Variants in CTPS1 observed in about 807,000 individuals in gnomAD.
The protein encoded by CTPS1 is CTP synthetase 1.
A neutral mutation model predicts 80.5 loss-of-function variants in CTPS1; 25 were observed. The observed-to-expected ratio is 0.31, with a 90% CI of 0.23 to 0.43. The LOEUF (loss-of-function observed/expected upper bound fraction) is 0.43, where lower values mean the gene tolerates loss of function less well. Ranked by LOEUF, CTPS1 falls within the 20% of genes least tolerant of loss-of-function variation. The pLI, the probability that CTPS1 is intolerant of heterozygous loss-of-function variation, is 1.00. For missense variants in CTPS1, 442 were observed against 725.7 expected, an observed-to-expected ratio of 0.61 and a Z score of 4.49; for synonymous variants, 267 against 252.5, an observed-to-expected ratio of 1.06 and a Z score of -0.54.
At chr1:41,001,935 CT>C (rs1278623307) in intron 10 of CTPS1, among the ~76,000 whole-genome samples, 3 of 152,214 alleles carry the variant, frequency 2.0e-5, no homozygotes, top group Non-Finnish European at 4.4e-5. Flanking sequence ...TGTATACTAT[CT>C]TTTTCACTTG....
At position 41,002,214 on chromosome 1, in the gene CTPS1, A is replaced by G; in HGVS notation, c.1149A>G (p.Gln383=). 1 of 1,614,216 alleles carries G rather than the reference A, an allele frequency of 6.2e-7. No homozygotes were observed. Among genetic ancestry groups the G allele is most frequent in the Middle Eastern group, 1.6e-4 (1 of 6,062 alleles). ...FGVRGTEGKI[Q]AIAWARNQKK... ...TTCGAGGAACAGAAGGAAAAATCCA[A>G]GCAATTGCCTGGGCTCGGAATCAGA... Residue 383 remains glutamine (Q), a synonymous_variant, in exon 11 of 19, where the codon CAA becomes CAG. Transcript: ENST00000650070.
Position 41,008,898 on chromosome 1 carries a change from T to C in CTPS1, c.1546+8T>C. 6.2e-7 allele frequency: 1 copy of C among 1,605,456 alleles called. No homozygotes were observed. Among genetic ancestry groups the C allele is most frequent in the Non-Finnish European group, 8.5e-7 (1 of 1,172,160 alleles). ...AAATTGTGGAGTTAGAAGGTGATTATTCGGGCAGTTTTATTTAATGGAAAA... is the reference window on the plus strand; with the variant it reads ...AAATTGTGGAGTTAGAAGGTGATTACTCGGGCAGTTTTATTTAATGGAAAA... On this transcript the variant is annotated splice_region_variant and intron_variant, in intron 16 of 18. Transcript: ENST00000650070.
chr1:40,990,873 A>G lies in CTPS1; in HGVS notation c.556-292A>G, dbSNP rs150200292. 1.8e-3 allele frequency among the ~76,000 whole-genome samples: 269 copies of G among 152,328 alleles called. 4 individuals are homozygous for G. Among genetic ancestry groups the G allele is most frequent in the African/African-American group, 6.2e-3 (257 of 41,586 alleles). On this transcript the variant is annotated intron_variant, in intron 5 of 18. Coordinates refer to ENST00000650070, the MANE Select transcript of CTPS1 (RefSeq NM_001905.4). ...GGGAAATCAATAGAAAATGCCTCCA[A>G]GTAAATGTGGAGAAGTAGCACACCA...
In CTPS1 at chr1:40,992,769, CTG is replaced by C. The variant is rs1281668957; in HGVS notation, c.720+927_720+928del. On this transcript the variant is annotated intron_variant, in intron 7 of 18. Transcript: ENST00000650070. ...GCAGTGGCGCGATCTTTTTGGCTCA[CTG>C]TGACCTCCACCTCCCAGGTTCAAGC... 2.7e-5 allele frequency among the ~76,000 whole-genome samples: 4 copies of C among 148,496 alleles called. No homozygotes were observed. The East Asian group carries it at 6.0e-4, about 22-fold the overall frequency.
intron 10 of CTPS1, 50 bp downstream of exon 10, chr1:41,001,167 T>TAA (rs747270246): frequency 2.1e-6 from 3 of 1,412,424 alleles, no homozygotes; most frequent in Non-Finnish European, 2.0e-6. Flanking sequence ...TGGTTTGTTT[T>TAA]AATGAAAAAG....
rs746258425 is a variant in CTPS1 at position 41,009,536 on chromosome 1, C to G, written c.1638C>G (p.Ala546=). 6.2e-7 allele frequency: 1 copy of G among 1,614,012 alleles called. No individual in the cohort carries two copies. Among genetic ancestry groups the G allele is most frequent in the Non-Finnish European group, 8.5e-7 (1 of 1,180,030 alleles). Residue 546 remains alanine, a synonymous_variant, in exon 17 of 19, where the codon GCC becomes GCG. Transcript: ENST00000650070. ...PSPPYFGLLL[A]SVGRLSHYLQ... Reference sequence around the variant, plus strand: ...CACCATACTTTGGCCTCCTCCTGGCCTCTGTGGGGCGGCTCTCACATTACC... The same window carrying G: ...CACCATACTTTGGCCTCCTCCTGGCGTCTGTGGGGCGGCTCTCACATTACC...
chr1:41,005,990 A>G, intron 12 of CTPS1, 61 bp from the exon 13 acceptor site: 2 of 1,351,880 alleles, frequency 1.5e-6, no homozygotes, highest in Non-Finnish European at 1.1e-6. Context: ...GAGCTTAGCA[A>G]TGAAACTATT....
At chr1:40,989,263 C>T (rs1642539929) in intron 5 of CTPS1, among the ~76,000 whole-genome samples, 1 of 152,194 alleles carries the variant, frequency 6.6e-6, no homozygotes, top group Admixed American at 6.5e-5. Flanking sequence ...CCCACCTTGG[C>T]AGAAGACTGG....
chr1:40,984,827 T>A lies in CTPS1; in HGVS notation c.173T>A (p.Val58Asp). The A allele has an allele frequency of 6.4e-7, 1 of 1,553,360 alleles. No individual in the cohort carries two copies. The highest frequency in any genetic ancestry group is 8.8e-7 in the Non-Finnish European group (1 of 1,141,570). The change falls in exon 3 of 19, where the codon GTT becomes GAT. Residue 58 changes from valine (V) to aspartate (D), a missense_variant. By Grantham distance (152) the Val-to-Asp change is radical (BLOSUM62 -3). Around this residue, in one of 4 missense-constraint regions of CTPS1, gnomAD observed 25 missense variants for 72.7 expected, o/e 0.34. Coordinates refer to ENST00000650070, the MANE Select transcript of CTPS1 (RefSeq NM_001905.4). ...GTTTCTCTGTTCACTGCAGGTGAGGTTTTTGTGCTGGATGATGGTGGGGAA... is the reference window on the plus strand; with the variant it reads ...GTTTCTCTGTTCACTGCAGGTGAGGATTTTGTGCTGGATGATGGTGGGGAA... ...GTFSPYEHGE[V>D]FVLDDGGEVD...
At position 40,983,296 on chromosome 1, in the gene CTPS1, G is replaced by A. The variant is rs769386291; in HGVS notation, c.6G>A (p.Lys2=). 2.5e-6 allele frequency: 4 copies of A among 1,612,914 alleles called. No homozygotes were observed. The East Asian group carries it at 8.9e-5, about 36-fold the overall frequency. The stretch of plus-strand genomic sequence containing the variant: ...CTTCCAGGTCAAAGAGTAAAATGAA[G>A]TACATTCTGGTTACTGGTGGTGTTA... M[K]YILVTGGVIS... The change falls in exon 2 of 19, where the codon AAG becomes AAA. Residue 2 remains lysine, a synonymous_variant. Coordinates refer to ENST00000650070, the MANE Select transcript of CTPS1 (RefSeq NM_001905.4).
At chr1:41,000,958 T>TA in intron 9 of CTPS1, 71 bp from the exon 10 acceptor site, 1 of 941,422 alleles carries the variant, frequency 1.1e-6, no homozygotes, top group Non-Finnish European at 1.6e-6. Context: ...ATGATAATAT[T>TA]ATTTAAAAAT....
At position 40,984,648 on chromosome 1, in the gene CTPS1, T is replaced by C. The variant is rs112398640; in HGVS notation, c.167-173T>C. On this transcript the variant is annotated intron_variant, in intron 2 of 18. Transcript: ENST00000650070. ...AAGTATGAGGTTACCTTTTAGAGAA[T>C]AGCTGGTAATTTTTCTTTTTGTGTG... Among the ~76,000 whole-genome samples the C allele has an allele frequency of 4.0e-3, 602 of 152,340 alleles. 3 individuals carry two copies. Among genetic ancestry groups the C allele is most frequent in the African/African-American group, 0.013 (560 of 41,580 alleles).
Position 41,009,547 on chromosome 1 carries a change from G to A in CTPS1, c.1649G>A (p.Arg550Gln), listed in dbSNP as rs776186929. 5.9e-5 allele frequency: 96 copies of A among 1,614,004 alleles called. No homozygotes were observed. The Middle Eastern group carries it at 1.8e-3, about 31-fold the overall frequency. The change falls in exon 17 of 19, where the codon CGG (arginine) becomes CAG (glutamine). Residue 550 changes from arginine (R) to glutamine (Q), a missense_variant. This residue lies in a region of CTPS1 where 321 missense variants were observed against 467.2 expected (regional missense o/e 0.69). Transcript: ENST00000650070. ...GGCCTCCTCCTGGCCTCTGTGGGGC[G>A]GCTCTCACATTACCTCCAGAAAGGC... ...YFGLLLASVGRLSHYLQKGCR... is the reference protein window; with the variant it reads ...YFGLLLASVGQLSHYLQKGCR...
At chr1:40,993,486 G>A (rs768097505) in intron 7 of CTPS1, among the ~76,000 whole-genome samples, 5 of 151,620 alleles carry the variant, frequency 3.3e-5, no homozygotes, top group African/African-American at 9.7e-5. Context: ...TACCTTAGGC[G>A]GACGCTACCA....
At chr1:40,992,869 T>A (rs752465753) in intron 7 of CTPS1, among the ~76,000 whole-genome samples, 1 of 151,808 alleles carries the variant, frequency 6.6e-6, no homozygotes, top group Admixed American at 6.6e-5. Context: ...AATTTTTGTA[T>A]TTTTAGTAGA....
chr1:40,999,230 A>C (rs1642837809), intron 9 of CTPS1, among the ~76,000 whole-genome samples: 1 of 152,028 alleles, frequency 6.6e-6, no homozygotes, highest in Non-Finnish European at 1.5e-5. Context: ...GGGCTTGGAG[A>C]TGTGGAGCAG....
At chr1:41,004,567 G>C (rs1281184950) in intron 12 of CTPS1, among the ~76,000 whole-genome samples, 2 of 151,958 alleles carry the variant, frequency 1.3e-5, no homozygotes, top group African/African-American at 4.8e-5. Flanking sequence ...ACTGGACCCT[G>C]GTTCAGGCCA....
Position 40,979,805 on chromosome 1 carries a change from CG to C in CTPS1, c.-35del, listed in dbSNP as rs1320628440. On this transcript the variant is annotated 5_prime_UTR_variant, in exon 1 of 19. An upstream open reading frame in the 5' UTR loses its in-frame stop. Coordinates refer to ENST00000650070, the MANE Select transcript of CTPS1 (RefSeq NM_001905.4). ...GTCGCCGGCCCAGCTCTGTCGCTGA[CG>C]GGAGGATCTGAAGCCGGCCGCAGGT... 1 of 152,182 alleles carries C rather than the reference CG, an allele frequency of 6.6e-6. No homozygotes were observed. Among genetic ancestry groups the C allele is most frequent in the Admixed American group, 6.5e-5 (1 of 15,284 alleles). 9.4% of individuals were successfully genotyped at this position (152,182 alleles called of 1,614,324 possible). A position where few individuals can be genotyped will look rare whatever the true frequency, so the allele number is the denominator to read the frequency against.
intron 11 of CTPS1, 37 bp from the exon 12 acceptor site, chr1:41,003,077 A>G (rs1017690919): frequency 6.2e-7 from 1 of 1,612,196 alleles, no homozygotes; most frequent in Non-Finnish European, 8.5e-7. Flanking sequence ...CTGCCTTTTC[A>G]ATGGAGTTTT....
Sources: allele counts gnomAD v4.1 joint callset (sites outside exome capture counted in the v4.1 genomes callset), GRCh38; gene constraint gnomAD v4.1.1; regional missense constraint gnomAD v4.1.1; transcripts MANE v1.5; gene names NCBI Gene and HGNC (gene_info 2026-07-23, HGNC 2026-07-21).